GNAQ: variants seen among roughly 807,000 people sequenced by gnomAD.
GNAQ encodes G protein subunit alpha q.
GNAQ carries 8 observed loss-of-function variants against 43.9 expected under a neutral mutation model. The observed-to-expected ratio is 0.18, with a 90% confidence interval of 0.11 to 0.33. The LOEUF (loss-of-function observed/expected upper bound fraction) is 0.33, where lower values mean the gene tolerates loss of function less well. GNAQ is among the 10% of genes least tolerant of loss of function. The probability of loss-of-function intolerance (pLI) is 1.00; values close to 1 mark genes in which losing one functional copy is unlikely to be tolerated. For synonymous variants in GNAQ, 155 were observed against 170.7 expected (o/e 0.91, Z 0.71); for missense variants, 158 against 450.8 (o/e 0.35, Z 5.88).
intron 2 of GNAQ, among the ~76,000 whole-genome samples, chr9:77,855,886 A>C (rs1164652125): frequency 1.3e-5 from 2 of 152,146 alleles, no homozygotes; most frequent in African/African-American, 2.4e-5. Flanking sequence ...ATTTTAATTT[A>C]GTTCTTATAT....
chr9:78,014,335 A>G (rs1823811002), intron 1 of GNAQ, among the ~76,000 whole-genome samples: 1 of 152,136 alleles, frequency 6.6e-6, no homozygotes. Context: ...AAAAAAACAA[A>G]AACTTTAGGC....
chr9:77,914,266 A>G (rs1191136003), intron 2 of GNAQ, among the ~76,000 whole-genome samples: 1 of 152,216 alleles, frequency 6.6e-6, no homozygotes, highest in Admixed American at 6.5e-5. Context: ...TCAACTCCCA[A>G]GAGTCCTGGA....
At chr9:77,736,403 C>A (rs1357064892) in intron 5 of GNAQ, among the ~76,000 whole-genome samples, 8 of 152,144 alleles carry the variant, frequency 5.3e-5, no homozygotes, top group Non-Finnish European at 1.2e-4. Flanking sequence ...GAAATAAGAA[C>A]GTCAAACTCA....
intron 2 of GNAQ, among the ~76,000 whole-genome samples, chr9:77,869,753 A>G (rs867990378): frequency 2.6e-5 from 4 of 152,118 alleles, no homozygotes; most frequent in African/African-American, 9.7e-5. Context: ...AGCAGTCCTC[A>G]TTGCCCTGCC....
At chr9:77,865,717 T>C (rs1275772711) in intron 2 of GNAQ, among the ~76,000 whole-genome samples, 1 of 152,188 alleles carries the variant, frequency 6.6e-6, no homozygotes, top group African/African-American at 2.4e-5. Flanking sequence ...TCTCTGGATC[T>C]CAGCTTTCTT....
chr9:77,910,693 G>C (rs1564148899), intron 2 of GNAQ, among the ~76,000 whole-genome samples: 1 of 151,904 alleles, frequency 6.6e-6, no homozygotes, highest in Non-Finnish European at 1.5e-5. Flanking sequence ...GAGATACTTA[G>C]CAAACATTTG....
At position 77,920,737 on chromosome 9, in the gene GNAQ, G is replaced by C. The variant is rs562864578; in HGVS notation, c.321+1424C>G. On this transcript the variant is annotated intron_variant, in intron 2 of 6. Transcript: ENST00000286548. ...AAAAGCAGGAGGAATTATTTGTGGA[G>C]GGTCTTTTTGTTATTTGTGGAAAGA... Among the ~76,000 whole-genome samples the C allele has an allele frequency of 1.2e-4, 18 of 152,282 alleles. No individual in the cohort carries two copies. The East Asian group carries it at 3.5e-3, about 29-fold the overall frequency.
intron 1 of GNAQ, among the ~76,000 whole-genome samples, chr9:78,015,705 A>G (rs1442480337): frequency 2.0e-5 from 3 of 152,102 alleles, no homozygotes; most frequent in Non-Finnish European, 2.9e-5. Flanking sequence ...ATAAATAACT[A>G]AGGTTGAAAA....
chr9:77,821,727 GTGTGTGTGTGTGTGTGT>G (rs1564120923), intron 2 of GNAQ, among the ~76,000 whole-genome samples: 8 of 149,030 alleles, frequency 5.4e-5, no homozygotes, highest in Non-Finnish European at 1.0e-4. Flanking sequence ...TAGTATGGGT[GTGTGTGTGTGTGTGTGT>G]GTGTGTGTGT....
intron 1 of GNAQ, among the ~76,000 whole-genome samples, chr9:77,925,576 T>C (rs184559100): frequency 6.6e-6 from 1 of 152,208 alleles, no homozygotes; most frequent in Non-Finnish European, 1.5e-5. Flanking sequence ...CATCTTCCAA[T>C]TGACCAGCCC....
chr9:77,909,295 C>A (rs1322618888), intron 2 of GNAQ, among the ~76,000 whole-genome samples: 2 of 152,186 alleles, frequency 1.3e-5, no homozygotes, highest in African/African-American at 2.4e-5. Context: ...AATCAAACAG[C>A]TACATGATCT....
chr9:78,000,277 C>A (rs986517203), intron 1 of GNAQ, among the ~76,000 whole-genome samples: 2 of 152,030 alleles, frequency 1.3e-5, no homozygotes, highest in African/African-American at 4.8e-5. Context: ...GCCAGCAGAA[C>A]CTGAAGAAAC....
intron 1 of GNAQ, among the ~76,000 whole-genome samples, chr9:78,012,467 A>T (rs766230549): frequency 6.6e-6 from 1 of 152,072 alleles, no homozygotes; most frequent in Non-Finnish European, 1.5e-5. Context: ...TTGGCCTCCC[A>T]AAGTGCTGGG....
chr9:78,012,959 G>A (rs1823792064), intron 1 of GNAQ, among the ~76,000 whole-genome samples: 1 of 152,202 alleles, frequency 6.6e-6, no homozygotes, highest in Non-Finnish European at 1.5e-5. Context: ...TTGGCTGCAA[G>A]ATCAAATATT....
At chr9:78,008,752 G>A (rs941029410) in intron 1 of GNAQ, among the ~76,000 whole-genome samples, 2 of 152,156 alleles carry the variant, frequency 1.3e-5, no homozygotes, top group Admixed American at 1.3e-4. Flanking sequence ...TCAAGTAGCT[G>A]GGACTACAGG....
At chr9:77,819,781 G>GAA (rs5898560) in intron 2 of GNAQ, among the ~76,000 whole-genome samples, 8,396 of 140,804 alleles carry the variant, frequency 0.06, 296 homozygotes, top group Middle Eastern at 0.2. Flanking sequence ...ATGGACTGTG[G>GAA]AAAAAAAAAA....
At chr9:77,929,074 A>G (rs994862000) in intron 1 of GNAQ, among the ~76,000 whole-genome samples, 1 of 152,190 alleles carries the variant, frequency 6.6e-6, no homozygotes, top group African/African-American at 2.4e-5. Flanking sequence ...TCAATTTAAA[A>G]ATTTTTTTAA....
intron 1 of GNAQ, among the ~76,000 whole-genome samples, chr9:77,970,426 G>T (rs1288641424): frequency 6.6e-6 from 1 of 152,134 alleles, no homozygotes; most frequent in Non-Finnish European, 1.5e-5. Context: ...AGGAAGAGAG[G>T]CACCTATGGC....
chr9:78,023,836 A>G (rs1175041132), intron 1 of GNAQ, among the ~76,000 whole-genome samples: 1 of 151,772 alleles, frequency 6.6e-6, no homozygotes, highest in Non-Finnish European at 1.5e-5. Context: ...GTGTCTAAAC[A>G]TCACTGTTCG....
Sources: gnomAD v4.1 joint callset for allele counts (sites outside exome capture counted in the v4.1 genomes callset) on GRCh38, gnomAD v4.1.1 for gene constraint, MANE v1.5 for transcripts, NCBI Gene and HGNC (gene_info 2026-07-23, HGNC 2026-07-21) for gene names.